ATP8A2: variants seen among roughly 807,000 people sequenced by gnomAD.
The protein encoded by ATP8A2 is ATPase phospholipid transporting 8A2.
ATP8A2 carries 100 observed loss-of-function variants against 165.6 expected under a neutral mutation model. The observed-to-expected ratio is 0.60, with a 90% CI of 0.51 to 0.71. The LOEUF (loss-of-function observed/expected upper bound fraction) is 0.71. Ranked by LOEUF, ATP8A2 falls within the 30% of genes least tolerant of loss-of-function variation. The probability of loss-of-function intolerance (pLI) is 0.00; values close to 1 mark genes in which losing one functional copy is unlikely to be tolerated. For synonymous variants in ATP8A2, 543 were observed against 548.8 expected, an observed-to-expected ratio of 0.99 and a Z score of 0.15; for missense variants, 1,227 against 1,479.5, an observed-to-expected ratio of 0.83 and a Z score of 2.80.
At chr13:25,518,438 G>C (rs7324312) in intron 2 of ATP8A2, among the ~76,000 whole-genome samples, 1 of 151,962 alleles carries the variant, frequency 6.6e-6, no homozygotes, top group Non-Finnish European at 1.5e-5. Flanking sequence ...AATTTGTTTT[G>C]CCATGGAATG....
chr13:25,838,066 C>T (rs1356882563), intron 29 of ATP8A2, among the ~76,000 whole-genome samples: 1 of 152,184 alleles, frequency 6.6e-6, no homozygotes, highest in Non-Finnish European at 1.5e-5. Context: ...TTGTTTCTGC[C>T]TCTGGTCTTT....
chr13:25,865,507 T>A (rs1952482816), intron 33 of ATP8A2, among the ~76,000 whole-genome samples: 1 of 152,238 alleles, frequency 6.6e-6, no homozygotes, highest in African/African-American at 2.4e-5. Flanking sequence ...CTGCTGGGGG[T>A]TTCCTAAACT....
At chr13:25,463,095 G>T (rs1269267874) in intron 1 of ATP8A2, among the ~76,000 whole-genome samples, 1 of 150,180 alleles carries the variant, frequency 6.7e-6, no homozygotes, top group Non-Finnish European at 1.5e-5. Context: ...GCTGGTGTAG[G>T]AAGGAAGATG....
chr13:25,460,109 G>A (rs1437653158), intron 1 of ATP8A2, among the ~76,000 whole-genome samples: 2 of 152,316 alleles, frequency 1.3e-5, no homozygotes, highest in Admixed American at 6.5e-5. Context: ...GCTGAGGTGG[G>A]AGAACTGCTT....
intron 25 of ATP8A2, among the ~76,000 whole-genome samples, chr13:25,732,270 G>T (rs150504580): frequency 6.6e-6 from 1 of 152,206 alleles, no homozygotes; most frequent in East Asian, 1.9e-4. Flanking sequence ...AGCCTCGCAT[G>T]TTGGGAAAGA....
At chr13:25,469,174 G>A in intron 2 of ATP8A2, 53 bp downstream of exon 2, 1 of 1,595,802 alleles carries the variant, frequency 6.3e-7, no homozygotes. Flanking sequence ...CAGCTGGGAA[G>A]GGGCTCGTCC....
At chr13:25,523,111 C>CT in intron 2 of ATP8A2, among the ~76,000 whole-genome samples, 1 of 145,226 alleles carries the variant, frequency 6.9e-6, no homozygotes, top group East Asian at 2.0e-4. Flanking sequence ...GGGCTAGACT[C>CT]TGTCTCAAAA....
chr13:25,612,743 G>A (rs182153336), intron 24 of ATP8A2, among the ~76,000 whole-genome samples: 58 of 152,090 alleles, frequency 3.8e-4, no homozygotes, highest in African/African-American at 1.3e-3. Context: ...TATTGAAGTC[G>A]CCACTATTAT....
At chr13:25,654,793 C>T (rs2041890546) in intron 24 of ATP8A2, among the ~76,000 whole-genome samples, 1 of 152,168 alleles carries the variant, frequency 6.6e-6, no homozygotes, top group East Asian at 1.9e-4. Context: ...GTGTGTGACG[C>T]TGTGCAGGTG....
intron 25 of ATP8A2, among the ~76,000 whole-genome samples, chr13:25,748,969 AT>A (rs2044096725): frequency 1.3e-5 from 2 of 152,234 alleles, no homozygotes; most frequent in African/African-American, 4.8e-5. Flanking sequence ...ATCAGTGGAC[AT>A]TTCTATGAAG....
At chr13:25,600,187 A>T (rs964190839) in intron 24 of ATP8A2, among the ~76,000 whole-genome samples, 1 of 152,238 alleles carries the variant, frequency 6.6e-6, no homozygotes, top group Non-Finnish European at 1.5e-5. Flanking sequence ...AGTTTCATTG[A>T]ACACAGACAT....
intron 4 of ATP8A2, among the ~76,000 whole-genome samples, chr13:25,531,263 A>ATATATGATATATGT (rs1566228859): frequency 1.4e-4 from 12 of 85,502 alleles, no homozygotes; most frequent in South Asian, 3.3e-4. Flanking sequence ...GATATATATG[A>ATATATGATATATGT]TATATATGAT....
chr13:25,664,390 G>A (rs189816606), intron 24 of ATP8A2, among the ~76,000 whole-genome samples: 53 of 152,200 alleles, frequency 3.5e-4, no homozygotes, highest in African/African-American at 1.2e-3. Context: ...CCTCACCCAC[G>A]CCTCTTCTGG....
At chr13:25,656,643 A>T (rs968552743) in intron 24 of ATP8A2, among the ~76,000 whole-genome samples, 1 of 151,256 alleles carries the variant, frequency 6.6e-6, no homozygotes, top group Non-Finnish European at 1.5e-5. Context: ...CCTATTATTA[A>T]CATACATTTT....
chr13:25,738,237 T>C (rs761307321), intron 25 of ATP8A2, among the ~76,000 whole-genome samples: 7 of 152,182 alleles, frequency 4.6e-5, no homozygotes, highest in Non-Finnish European at 8.8e-5. Context: ...GTAGAGTAAC[T>C]GTAACATAAA....
chr13:25,672,650 C>T (rs532288305), intron 24 of ATP8A2, among the ~76,000 whole-genome samples: 4 of 152,220 alleles, frequency 2.6e-5, no homozygotes, highest in South Asian at 4.2e-4. Flanking sequence ...ATTCTGTCAG[C>T]GTTTCTGAAG....
At chr13:25,634,259 C>G (rs116210505) in intron 24 of ATP8A2, among the ~76,000 whole-genome samples, 1 of 151,960 alleles carries the variant, frequency 6.6e-6, no homozygotes, top group Non-Finnish European at 1.5e-5. Flanking sequence ...CTCGAGGGAC[C>G]GAAGCTACAA....
intron 2 of ATP8A2, among the ~76,000 whole-genome samples, chr13:25,521,563 TA>T (rs1379936623): frequency 5.3e-5 from 8 of 152,202 alleles, no homozygotes; most frequent in East Asian, 1.9e-4. Context: ...TAATGAGAGA[TA>T]GGGGTCTAGA....
intron 35 of ATP8A2, among the ~76,000 whole-genome samples, chr13:25,995,707 C>T (rs1956486894): frequency 6.6e-6 from 1 of 151,820 alleles, no homozygotes; most frequent in Admixed American, 6.6e-5. Flanking sequence ...CCAGAATATT[C>T]TATTTCTTGT....
Sources: gnomAD v4.1 joint callset for allele counts (sites outside exome capture counted in the v4.1 genomes callset) on GRCh38, gnomAD v4.1.1 for gene constraint, MANE v1.5 for transcripts, NCBI Gene and HGNC (gene_info 2026-07-23, HGNC 2026-07-21) for gene names.